Variants in NRXN3 observed in about 807,000 individuals in gnomAD.
NRXN3 encodes the protein neurexin III.
NRXN3 carries 32 observed loss-of-function variants against 137.6 expected under a neutral mutation model. That is an observed-to-expected ratio of 0.23 (90% CI 0.18 to 0.31). The LOEUF (loss-of-function observed/expected upper bound fraction) is 0.31. Among genes scored for constraint, NRXN3 ranks in the 10% least tolerant of loss-of-function variants. The pLI, the probability that NRXN3 is intolerant of heterozygous loss-of-function variation, is 1.00. For synonymous variants in NRXN3, 798 were observed against 784.5 expected (o/e 1.02, Z -0.29); for missense variants, 1,574 against 2,062.5 (o/e 0.76, Z 4.59).
chr14:78,477,573 C>A (rs1252381176), intron 4 of NRXN3, among the ~76,000 whole-genome samples: 1 of 152,174 alleles, frequency 6.6e-6, no homozygotes, highest in Non-Finnish European at 1.5e-5. Flanking sequence ...ATGACCAATG[C>A]AAATCAGTTC....
chr14:79,665,396 G>A (rs981269106), intron 17 of NRXN3, among the ~76,000 whole-genome samples: 1 of 152,120 alleles, frequency 6.6e-6, no homozygotes, highest in Non-Finnish European at 1.5e-5. Flanking sequence ...TTTGAAGAAA[G>A]CCAAAGCTAT....
intron 10 of NRXN3, among the ~76,000 whole-genome samples, chr14:78,900,865 T>C (rs765518031): frequency 6.6e-6 from 1 of 151,950 alleles, no homozygotes; most frequent in Non-Finnish European, 1.5e-5. Context: ...TCATAAATCA[T>C]CTCATTATTC....
intron 4 of NRXN3, among the ~76,000 whole-genome samples, chr14:78,625,744 C>T (rs1318560171): frequency 6.6e-6 from 1 of 152,200 alleles, no homozygotes; most frequent in East Asian, 1.9e-4. Context: ...CCCTGGAAAG[C>T]TGAAGTAGTC....
At chr14:79,298,452 A>T in intron 15 of NRXN3, among the ~76,000 whole-genome samples, 1 of 152,086 alleles carries the variant, frequency 6.6e-6, no homozygotes, top group South Asian at 2.1e-4. Flanking sequence ...TCTTAACCAG[A>T]TACATGAATA....
chr14:79,561,681 C>T (rs1056258771), intron 16 of NRXN3, among the ~76,000 whole-genome samples: 2 of 151,974 alleles, frequency 1.3e-5, no homozygotes, highest in East Asian at 1.9e-4. Flanking sequence ...GATCTCGTTG[C>T]GTTTCCTCAT....
chr14:78,386,625 A>C (rs1455501615), intron 4 of NRXN3, among the ~76,000 whole-genome samples: 1 of 152,228 alleles, frequency 6.6e-6, no homozygotes, highest in Admixed American at 6.5e-5. Flanking sequence ...TTTATGGATG[A>C]ACAAACCAAA....
intron 4 of NRXN3, among the ~76,000 whole-genome samples, chr14:78,330,632 A>T (rs1370637783): frequency 6.6e-6 from 1 of 152,182 alleles, no homozygotes; most frequent in Non-Finnish European, 1.5e-5. Context: ...AAGGTATGCC[A>T]TAGTGCTGAA....
intron 2 of NRXN3, among the ~76,000 whole-genome samples, chr14:78,273,670 A>G (rs566795865): frequency 6.6e-6 from 1 of 152,306 alleles, no homozygotes; most frequent in East Asian, 1.9e-4. Flanking sequence ...ACATAGGTAA[A>G]TATGTGTGTA....
intron 8 of NRXN3, chr14:78,745,333 GA>G: frequency 6.6e-6 from 1 of 152,450 alleles, no homozygotes; most frequent in Non-Finnish European, 1.5e-5. Flanking sequence ...TGCAGAGAGA[GA>G]AAGCCCATCA....
intron 15 of NRXN3, among the ~76,000 whole-genome samples, chr14:79,325,223 T>C (rs551868453): frequency 6.6e-6 from 1 of 152,128 alleles, no homozygotes; most frequent in Non-Finnish European, 1.5e-5. Context: ...TCTTGGAGAG[T>C]TGTGGTTTTC....
At chr14:78,685,287 T>C (rs953180074) in intron 6 of NRXN3, among the ~76,000 whole-genome samples, 8 of 152,232 alleles carry the variant, frequency 5.3e-5, no homozygotes, top group African/African-American at 1.7e-4. Context: ...CCCTAGCAGC[T>C]GCAGTATTCC....
At chr14:79,585,946 C>T (rs186677187) in intron 16 of NRXN3, among the ~76,000 whole-genome samples, 5 of 152,294 alleles carry the variant, frequency 3.3e-5, no homozygotes, top group African/African-American at 4.8e-5. Context: ...CCTGTGCACA[C>T]ACATTGGCTT....
chr14:79,444,705 G>A (rs772144241), intron 15 of NRXN3, among the ~76,000 whole-genome samples: 2 of 152,182 alleles, frequency 1.3e-5, no homozygotes, highest in Non-Finnish European at 2.9e-5. Flanking sequence ...ACCCATGCCT[G>A]TAGTCCCAGC....
intron 10 of NRXN3, among the ~76,000 whole-genome samples, chr14:78,899,853 T>C: frequency 6.6e-6 from 1 of 152,032 alleles, no homozygotes; most frequent in East Asian, 1.9e-4. Flanking sequence ...ACTATATAAC[T>C]TTAACTCTCT....
chr14:78,569,194 C>T (rs2096865623), intron 4 of NRXN3, among the ~76,000 whole-genome samples: 1 of 151,620 alleles, frequency 6.6e-6, no homozygotes, highest in East Asian at 2.0e-4. Flanking sequence ...GTCTCGATCT[C>T]CTGATCTCAG....
At chr14:78,511,858 C>T (rs1448147253) in intron 4 of NRXN3, among the ~76,000 whole-genome samples, 5 of 152,056 alleles carry the variant, frequency 3.3e-5, no homozygotes, top group South Asian at 2.1e-4. Context: ...CAAATTGAAG[C>T]GCTTCTTCTT....
At chr14:78,616,651 T>C (rs1430220056) in intron 4 of NRXN3, among the ~76,000 whole-genome samples, 1 of 152,140 alleles carries the variant, frequency 6.6e-6, no homozygotes, top group Non-Finnish European at 1.5e-5. Context: ...TGCTTCAGAG[T>C]TCTCTTGCTA....
intron 15 of NRXN3, among the ~76,000 whole-genome samples, chr14:79,439,308 TAG>T: frequency 6.6e-6 from 1 of 152,372 alleles, no homozygotes; most frequent in East Asian, 1.9e-4. Flanking sequence ...GAGGTTTAAG[TAG>T]ACATTAAACA....
chr14:79,363,582 G>C (rs1391851105), intron 15 of NRXN3, among the ~76,000 whole-genome samples: 1 of 144,310 alleles, frequency 6.9e-6, no homozygotes, highest in Non-Finnish European at 1.5e-5. Flanking sequence ...GTCTACAGTT[G>C]CTCCTTCTAC....
Sources: gnomAD v4.1 joint callset for allele counts (sites outside exome capture counted in the v4.1 genomes callset) on GRCh38, gnomAD v4.1.1 for gene constraint, MANE v1.5 for transcripts, NCBI Gene and HGNC (gene_info 2026-07-23, HGNC 2026-07-21) for gene names.